Variants in SCN8A observed in about 807,000 individuals in gnomAD.
The protein encoded by SCN8A is sodium channel protein type 8 subunit alpha.
Under a neutral mutation model 184.1 loss-of-function variants are expected in SCN8A, and 30 were observed. The observed-to-expected ratio is 0.16, with a 90% CI of 0.12 to 0.22. The LOEUF (loss-of-function observed/expected upper bound fraction) is 0.22, where lower values mean the gene tolerates loss of function less well. SCN8A is among the 10% of genes least tolerant of loss of function. The pLI is 1.00. For missense variants in SCN8A, 1,057 were observed against 2,498.9 expected (o/e 0.42, Z 12.30); for synonymous variants, 852 against 907.0 (o/e 0.94, Z 1.09).
At chr12:51,750,360 A>T (rs1191748094) in intron 13 of SCN8A, among the ~76,000 whole-genome samples, 1 of 152,222 alleles carries the variant, frequency 6.6e-6, no homozygotes, top group Non-Finnish European at 1.5e-5. Flanking sequence ...AAAGGAAAGA[A>T]GATGATGACC....
At chr12:51,769,395 G>A (rs1421266115) in intron 17 of SCN8A, 60 bp downstream of exon 17, 1 of 1,273,930 alleles carries the variant, frequency 7.8e-7, no homozygotes, top group East Asian at 2.3e-5. Context: ...GGTGCTGTCA[G>A]CCTTGGGGAT....
intron 2 of SCN8A, among the ~76,000 whole-genome samples, chr12:51,674,659 C>T (rs190753604): frequency 6.6e-6 from 1 of 152,252 alleles, no homozygotes; most frequent in Non-Finnish European, 1.5e-5. Context: ...TTCTAATGGC[C>T]ACTCCGTGTT....
chr12:51,774,143 G>T (rs1393867835), intron 19 of SCN8A, 46 bp from the exon 20 acceptor site: 2 of 1,593,516 alleles, frequency 1.3e-6, no homozygotes, highest in East Asian at 4.5e-5. Context: ...CCTGTGGCCT[G>T]CTTGCCTTTA....
rs184108035 is a variant in SCN8A, at chr12:51,766,648, C to T, written c.2901+621C>T. On this transcript the variant is annotated intron_variant, in intron 16 of 26. Coordinates refer to ENST00000627620, the MANE Select transcript of SCN8A (RefSeq NM_001330260.2). ...AATGACAAATCACTTTATTGCTTTA[C>T]TTTGATCTGTCCACCTGCTCTCTTC... Among the ~76,000 whole-genome samples, 137 of 152,288 alleles carry T rather than the reference C, an allele frequency of 9.0e-4. 1 individual carries two copies. In the Middle Eastern group the frequency reaches 0.014, roughly 15 times the overall value.
At chr12:51,664,815 A>G (rs1940999765) in intron 2 of SCN8A, among the ~76,000 whole-genome samples, 1 of 152,090 alleles carries the variant, frequency 6.6e-6, no homozygotes, top group African/African-American at 2.4e-5. Flanking sequence ...TGCTGCACAG[A>G]TCATCCCATC....
intron 1 of SCN8A, among the ~76,000 whole-genome samples, chr12:51,642,407 A>C (rs1940475233): frequency 6.6e-6 from 1 of 152,184 alleles, no homozygotes; most frequent in Non-Finnish European, 1.5e-5. Context: ...ATGCTCTGTA[A>C]ATGTGAAAGT....
intron 26 of SCN8A, among the ~76,000 whole-genome samples, chr12:51,800,834 C>G (rs113851522): frequency 6.6e-6 from 1 of 152,160 alleles, no homozygotes; most frequent in African/African-American, 2.4e-5. Context: ...GGTAAAAGAC[C>G]GGAGGTCTCC....
chr12:51,808,937 T>A lies in SCN8A; in HGVS notation c.*1508T>A, dbSNP rs1357466869. Reference sequence around the variant, plus strand: ...TGGTTTCTTTCACTTATTATTAGAATAATAGTCACTGGTGAGACCTGAGGT... The same window carrying A: ...TGGTTTCTTTCACTTATTATTAGAAAAATAGTCACTGGTGAGACCTGAGGT... On this transcript the variant is annotated 3_prime_UTR_variant, in exon 27 of 27. Coordinates refer to ENST00000627620, the MANE Select transcript of SCN8A (RefSeq NM_001330260.2). 2 of 152,184 alleles carry A rather than the reference T, an allele frequency of 1.3e-5. No homozygotes were observed. Among genetic ancestry groups the A allele is most frequent in the East Asian group, 3.8e-4 (2 of 5,202 alleles). 9.4% of individuals were successfully genotyped at this position (152,184 alleles called of 1,614,324 possible).
intron 20 of SCN8A, chr12:51,780,198 A>G (rs1436623605): frequency 1.1e-5 from 5 of 456,150 alleles, no homozygotes; most frequent in Admixed American, 9.4e-5. Context: ...ATTCTTTTCC[A>G]TAGGTACCAT....
chr12:51,734,574 C>T (rs963029718), intron 12 of SCN8A, among the ~76,000 whole-genome samples: 5 of 152,196 alleles, frequency 3.3e-5, no homozygotes, highest in African/African-American at 4.8e-5. Flanking sequence ...TGTTCCTTGC[C>T]GTCATTCCTG....
intron 26 of SCN8A, among the ~76,000 whole-genome samples, chr12:51,795,737 T>C (rs959425038): frequency 1.3e-5 from 2 of 152,170 alleles, no homozygotes; most frequent in African/African-American, 4.8e-5. Context: ...CTGAATTCTC[T>C]TGGAAATCCT....
At chr12:51,736,579 G>A (rs1172954581) in intron 12 of SCN8A, among the ~76,000 whole-genome samples, 2 of 152,198 alleles carry the variant, frequency 1.3e-5, no homozygotes, top group Non-Finnish European at 2.9e-5. Context: ...AAAGTGTCCA[G>A]CATTAGATAT....
At chr12:51,696,527 A>C (rs574332019) in intron 6 of SCN8A, among the ~76,000 whole-genome samples, 1 of 152,278 alleles carries the variant, frequency 6.6e-6, no homozygotes, top group East Asian at 1.9e-4. Context: ...TTATGATACG[A>C]TTTCCCAGGG....
intron 1 of SCN8A, among the ~76,000 whole-genome samples, chr12:51,624,550 C>T (rs1426196734): frequency 1.3e-5 from 2 of 151,826 alleles, no homozygotes; most frequent in African/African-American, 2.4e-5. Context: ...AATTTTCTCC[C>T]ATTCTGTAGG....
intron 20 of SCN8A, among the ~76,000 whole-genome samples, chr12:51,779,525 A>G (rs954773423): frequency 6.6e-6 from 1 of 152,152 alleles, no homozygotes; most frequent in Non-Finnish European, 1.5e-5. Context: ...TTGTCCAGAT[A>G]GTCCTGTTGG....
intron 11 of SCN8A, among the ~76,000 whole-genome samples, chr12:51,706,918 C>T (rs935558598): frequency 2.1e-4 from 32 of 152,246 alleles, no homozygotes; most frequent in African/African-American, 7.5e-4. Context: ...TCTCTACCTT[C>T]AAGAGATCCA....
chr12:51,759,797 G>T (rs1942735283), intron 14 of SCN8A, among the ~76,000 whole-genome samples: 1 of 152,116 alleles, frequency 6.6e-6, no homozygotes, highest in Admixed American at 6.5e-5. Flanking sequence ...CCATAGACTG[G>T]GTAATTTATA....
Position 51,702,767 on chromosome 12 carries a change from C to G in SCN8A, c.993-6C>G. ...AAAAGTCCTGAACTTCCCTTTCTTT[C>G]TTTAGGCAATGCCCAGAGGGATACC... On this transcript the variant is annotated splice_polypyrimidine_tract_variant and splice_region_variant and intron_variant, in intron 8 of 26. Coordinates refer to ENST00000627620, the MANE Select transcript of SCN8A (RefSeq NM_001330260.2). 1.3e-6 allele frequency: 2 copies of G among 1,574,298 alleles called. No individual in the cohort carries two copies. Among genetic ancestry groups the G allele is most frequent in the Non-Finnish European group, 1.7e-6 (2 of 1,158,756 alleles).
In SCN8A at chr12:51,601,722, C is replaced by T. The variant is rs192093641; in HGVS notation, c.-55+10363C>T. 3.2e-3 allele frequency among the ~76,000 whole-genome samples: 484 copies of T among 149,278 alleles called. 4 individuals carry two copies. The highest frequency in any genetic ancestry group is 0.012 in the African/African-American group (455 of 38,692). On this transcript the variant is annotated intron_variant, in intron 1 of 26. Transcript: ENST00000627620. ...TAGCCAGTTGCCTTGTCTTTCACCT[C>T]GCACTTCTCCACAGGCTGCCTTGCT...
Sources: gnomAD v4.1 joint callset for allele counts (sites outside exome capture counted in the v4.1 genomes callset) on GRCh38, gnomAD v4.1.1 for gene constraint, MANE v1.5 for transcripts, NCBI Gene and HGNC (gene_info 2026-07-23, HGNC 2026-07-21) for gene names.